Variants in ZNHIT6 observed in about 807,000 individuals in gnomAD.
The protein encoded by ZNHIT6 is zinc finger HIT-type containing 6.
Under a neutral mutation model 57.2 loss-of-function variants are expected in ZNHIT6, and 45 were observed. The observed-to-expected ratio is 0.79, with a 90% CI of 0.62 to 1.01. The LOEUF is 1.01. Ranked by LOEUF, ZNHIT6 falls within the 50% of genes least tolerant of loss-of-function variation. The pLI, the probability that ZNHIT6 is intolerant of heterozygous loss-of-function variation, is 0.00. For missense variants in ZNHIT6, 528 were observed against 567.3 expected (o/e 0.93, Z 0.70); for synonymous variants, 188 against 190.0 (o/e 0.99, Z 0.09).
At chr1:85,687,965 C>A (rs535960917) in intron 5 of ZNHIT6, among the ~76,000 whole-genome samples, 16 of 152,002 alleles carry the variant, frequency 1.1e-4, no homozygotes, top group South Asian at 1.0e-3. Flanking sequence ...ACTGCTTGAA[C>A]CCCGGAGACA....
chr1:85,689,484 A>G (rs549468214), intron 5 of ZNHIT6, among the ~76,000 whole-genome samples: 3 of 152,324 alleles, frequency 2.0e-5, no homozygotes, highest in African/African-American at 7.2e-5. Flanking sequence ...TATGTCTCAC[A>G]TCATTATGTA....
chr1:85,667,288 G>C (rs1661394505), intron 8 of ZNHIT6, among the ~76,000 whole-genome samples: 1 of 152,090 alleles, frequency 6.6e-6, no homozygotes, highest in Non-Finnish European at 1.5e-5. Context: ...CTCAATAAAA[G>C]TATGTCATTC....
chr1:85,686,349 A>T (rs952738851), intron 5 of ZNHIT6, among the ~76,000 whole-genome samples: 1 of 152,098 alleles, frequency 6.6e-6, no homozygotes, highest in African/African-American at 2.4e-5. Context: ...AAAAAAATAT[A>T]TATTTCTCTT....
intron 7 of ZNHIT6, among the ~76,000 whole-genome samples, chr1:85,677,956 T>G (rs565375465): frequency 6.6e-6 from 1 of 152,220 alleles, no homozygotes; most frequent in African/African-American, 2.4e-5. Context: ...TGCTAGGTCC[T>G]GTACTAGGAA....
chr1:85,666,182 A>C (rs1186307831), intron 8 of ZNHIT6, among the ~76,000 whole-genome samples: 3 of 152,216 alleles, frequency 2.0e-5, no homozygotes, highest in Admixed American at 1.3e-4. Context: ...TGTGTAAGGT[A>C]AAGATAGGAG....
chr1:85,666,860 T>A (rs1661384436), intron 8 of ZNHIT6, among the ~76,000 whole-genome samples: 1 of 152,330 alleles, frequency 6.6e-6, no homozygotes, highest in Middle Eastern at 3.4e-3. Flanking sequence ...TGTTCTGTAA[T>A]AGAATACAGA....
At chr1:85,682,159 T>C (rs943014174) in intron 5 of ZNHIT6, among the ~76,000 whole-genome samples, 2 of 149,876 alleles carry the variant, frequency 1.3e-5, no homozygotes, top group African/African-American at 2.4e-5. Context: ...CTACAGGTGC[T>C]CGCCACCACG....
intron 5 of ZNHIT6, among the ~76,000 whole-genome samples, chr1:85,693,326 G>C (rs1382801958): frequency 2.6e-5 from 4 of 152,118 alleles, no homozygotes; most frequent in Non-Finnish European, 5.9e-5. Flanking sequence ...AAGAAAAAAA[G>C]GAAGCTTACA....
chr1:85,692,297 G>A (rs1217666397), intron 5 of ZNHIT6, among the ~76,000 whole-genome samples: 2 of 152,132 alleles, frequency 1.3e-5, no homozygotes, highest in East Asian at 3.9e-4. Flanking sequence ...CGAGTGTTTG[G>A]CTTTACATTT....
intron 5 of ZNHIT6, among the ~76,000 whole-genome samples, chr1:85,700,714 C>A (rs1414685552): frequency 6.6e-6 from 1 of 152,172 alleles, no homozygotes; most frequent in Non-Finnish European, 1.5e-5. Flanking sequence ...AACTTCTAAC[C>A]AGTTACCATA....
chr1:85,664,836 T>C (rs1484701194), intron 8 of ZNHIT6, among the ~76,000 whole-genome samples: 1 of 152,064 alleles, frequency 6.6e-6, no homozygotes, highest in Non-Finnish European at 1.5e-5. Context: ...TCTGTTGTTG[T>C]TTTGTTTTGT....
At chr1:85,670,623 T>A (rs1435800766) in intron 8 of ZNHIT6, among the ~76,000 whole-genome samples, 1 of 152,152 alleles carries the variant, frequency 6.6e-6, no homozygotes, top group Non-Finnish European at 1.5e-5. Context: ...TGGGATAAAA[T>A]AAGTCAAATT....
At chr1:85,659,140 G>T (rs1390018217) in intron 8 of ZNHIT6, among the ~76,000 whole-genome samples, 2 of 152,104 alleles carry the variant, frequency 1.3e-5, no homozygotes, top group African/African-American at 4.8e-5. Context: ...AGTTTATCGT[G>T]ACATAGCTGC....
chr1:85,657,865 T>G lies in ZNHIT6; in HGVS notation c.1354A>C (p.Met452Leu). 1.2e-6 allele frequency: 2 copies of G among 1,607,718 alleles called. No homozygotes were observed. Among genetic ancestry groups the G allele is most frequent in the South Asian group, 2.3e-5 (2 of 88,810 alleles). Reference sequence around the variant, plus strand: ...CACTTACCTTGGTGAAGAACTTTCATGTCATTATTGGATCCTTTCAATACC... The same window carrying G: ...CACTTACCTTGGTGAAGAACTTTCAGGTCATTATTGGATCCTTTCAATACC... ...HVVLKGSNND[M>L]KVLHQVKSES... is the part of the protein sequence containing the mutation. Residue 452 changes from methionine (M) to leucine (L), a missense_variant, in exon 9 of 10, where the codon ATG becomes CTG. Coordinates refer to ENST00000370574, the MANE Select transcript of ZNHIT6 (RefSeq NM_017953.4).
chr1:85,693,405 C>G (rs997408545), intron 5 of ZNHIT6, among the ~76,000 whole-genome samples: 6 of 151,884 alleles, frequency 4.0e-5, no homozygotes, highest in Admixed American at 2.0e-4. Flanking sequence ...ACAGAGGTTC[C>G]AGGGAAAAAT....
chr1:85,677,894 T>A (rs1028226661), intron 7 of ZNHIT6, among the ~76,000 whole-genome samples: 1 of 152,208 alleles, frequency 6.6e-6, no homozygotes, highest in African/African-American at 2.4e-5. Flanking sequence ...CCAGGAGCAC[T>A]AATAACTCAC....
At position 85,657,954 on chromosome 1, in the gene ZNHIT6, G is replaced by T; in HGVS notation, c.1265C>A (p.Pro422His). Residue 422 changes from proline (P) to histidine (H), a missense_variant, in exon 9 of 10, where the codon CCT (proline) becomes CAT (histidine). Physicochemically the swap from Pro to His is moderately conservative, Grantham distance 77. Coordinates refer to ENST00000370574, the MANE Select transcript of ZNHIT6 (RefSeq NM_017953.4). ...CAAATTGTCTAGGAGACTTTTATAAGGATCTAGTTCATAATATCTTATTAA... is the reference window on the plus strand; with the variant it reads ...CAAATTGTCTAGGAGACTTTTATAATGATCTAGTTCATAATATCTTATTAA... ...QNLVRYYELD[P>H]YKSLLDNLRN... The T allele has an allele frequency of 6.5e-7, 1 of 1,536,668 alleles. No homozygotes were observed. The highest frequency in any genetic ancestry group is 1.2e-5 in the South Asian group (1 of 83,764).
Position 85,652,763 on chromosome 1 carries a change from C to T in ZNHIT6, c.*1295G>A, listed in dbSNP as rs746755635. On this transcript the variant is annotated 3_prime_UTR_variant, in exon 10 of 10. Coordinates refer to ENST00000370574, the MANE Select transcript of ZNHIT6 (RefSeq NM_017953.4). ...ACTAAAAATCAATTTCATTAATGTC[C>T]AGTTTTATCATTGCTTTTTAACCAT... 7.2e-5 allele frequency: 11 copies of T among 152,024 alleles called. No individual in the cohort carries two copies. Among genetic ancestry groups the T allele is most frequent in the Non-Finnish European group, 1.5e-4 (10 of 67,998 alleles). The allele number at this position is 152,024 out of a possible 1,614,324, so 9.4% of individuals were successfully genotyped here.
chr1:85,653,763 A>G lies in ZNHIT6; in HGVS notation c.*295T>C. 1 of 281,870 alleles carries G rather than the reference A, an allele frequency of 3.5e-6. No homozygotes were observed. The highest frequency in any genetic ancestry group is 6.5e-6 in the Non-Finnish European group (1 of 153,752). 17.5% of individuals were successfully genotyped at this position (281,870 alleles called of 1,614,324 possible). A position where few individuals can be genotyped will look rare whatever the true frequency, so the allele number is the denominator to read the frequency against. On this transcript the variant is annotated 3_prime_UTR_variant, in exon 10 of 10. Transcript: ENST00000370574. ...TCAAAAAAAGAAAGAAAAAAGAAAA[A>G]AAAAGTTTTCAGTTTATGGAATTAA... is the stretch of plus-strand genomic sequence containing the variant.
Sources: gnomAD v4.1 joint callset for allele counts (sites outside exome capture counted in the v4.1 genomes callset) on GRCh38, gnomAD v4.1.1 for gene constraint, MANE v1.5 for transcripts, NCBI Gene and HGNC (gene_info 2026-07-23, HGNC 2026-07-21) for gene names.